HLA-G: variants seen among roughly 807,000 people sequenced by gnomAD.
HLA-G encodes the protein HLA class I histocompatibility antigen, alpha chain G.
A neutral mutation model predicts 39.3 loss-of-function variants in HLA-G; 34 were observed. The ratio of observed to expected loss-of-function variants is 0.86; its 90% confidence interval spans 0.66 to 1.15. The LOEUF is 1.15. Among genes scored for constraint, HLA-G ranks in the 50% most tolerant of loss-of-function variants. The probability of loss-of-function intolerance (pLI) is 0.00; values close to 1 mark genes in which losing one functional copy is unlikely to be tolerated. For synonymous variants in HLA-G, 183 were observed against 185.8 expected, an observed-to-expected ratio of 0.99 and a Z score of 0.12; for missense variants, 419 against 456.4, an observed-to-expected ratio of 0.92 and a Z score of 0.75.
At chr6:29,827,763 G>T, upstream of HLA-G, 1 of 1,396,966 alleles carries the variant, frequency 7.2e-7, no homozygotes, top group Non-Finnish European at 1.0e-6. Flanking sequence ...CAGGTTTTTA[G>T]AGAAGCCAAT....
chr6:29,830,693 G>GC, intron 6 of HLA-G, 75 bp from the exon 7 acceptor site: 1 of 599,272 alleles, frequency 1.7e-6, no homozygotes, highest in African/African-American at 1.8e-5. Context: ...AATGTATTGA[G>GC]CATGTGATGG....
rs1396877600 is a variant in HLA-G at position 29,828,015 on chromosome 6, T to C, written c.74-32T>C. ...CTCGGCAGCCGCGCCGGGAGGAGGG[T>C]CGGGCGGGTCTCAACCCCTCCTCGC... On this transcript the variant is annotated intron_variant, in intron 1 of 6. Coordinates refer to ENST00000360323, the MANE Select transcript of HLA-G (RefSeq NM_001384290.1). The C allele has an allele frequency of 4.4e-6, 7 of 1,600,348 alleles. No homozygotes were observed. The East Asian group carries it at 1.6e-4, about 36-fold the overall frequency.
intron 6 of HLA-G, 72 bp downstream of exon 6, chr6:29,830,482 C>T (rs1761179746): frequency 1.5e-6 from 2 of 1,318,530 alleles, no homozygotes; most frequent in African/African-American, 2.9e-5. Context: ...GGAGCTCACC[C>T]ACCCCACAAT....
chr6:29,828,723 A>T lies in HLA-G; in HGVS notation c.524A>T (p.Asn175Ile), dbSNP rs370197833. Reference protein sequence around the residue: ...QISKRKCEAANVAEQRRAYLE... With the variant: ...QISKRKCEAAIVAEQRRAYLE... ...TCCAAGCGCAAGTGTGAGGCGGCCA[A>T]TGTGGCTGAACAAAGGAGAGCCTAC... Residue 175 changes from asparagine to isoleucine, a missense_variant, in exon 3 of 7, where the codon AAT becomes ATT. By Grantham distance (149) the Asn-to-Ile change is moderately radical (BLOSUM62 -3). Around this residue, in one of 2 missense-constraint regions of HLA-G, gnomAD observed 328 missense variants for 323.0 expected, o/e 1.02. Transcript: ENST00000360323. 3 of 1,613,666 alleles carry T rather than the reference A, an allele frequency of 1.9e-6. No individual in the cohort carries two copies. Among genetic ancestry groups the T allele is most frequent in the Non-Finnish European group, 1.7e-6 (2 of 1,180,018 alleles).
chr6:29,829,530 T>C lies in HLA-G; in HGVS notation c.732T>C (p.Asp244=), dbSNP rs1562471429. 1.1e-5 allele frequency: 18 copies of C among 1,613,774 alleles called. No homozygotes were observed. Among genetic ancestry groups the C allele is most frequent in the Non-Finnish European group, 1.5e-5 (18 of 1,179,858 alleles). The part of the protein sequence containing the change: ...PAEIILTWQR[D]GEDQTQDVEL... Reference sequence around the variant, plus strand: ...AGATCATACTGACCTGGCAGCGGGATGGGGAGGACCAGACCCAGGACGTGG... The same window carrying C: ...AGATCATACTGACCTGGCAGCGGGACGGGGAGGACCAGACCCAGGACGTGG... The change falls in exon 4 of 7, where the codon GAT becomes GAC. Residue 244 remains aspartate (D), a synonymous_variant. Coordinates refer to ENST00000360323, the MANE Select transcript of HLA-G (RefSeq NM_001384290.1).
upstream of HLA-G, chr6:29,827,653 G>A: frequency 1.5e-6 from 1 of 664,600 alleles, no homozygotes; most frequent in Non-Finnish European, 2.7e-6. Flanking sequence ...GGTTGGGGAG[G>A]CCCCGCGTTG....
In HLA-G at chr6:29,828,181, G is replaced by T; in HGVS notation, c.208G>T (p.Glu70Ter). The T allele has an allele frequency of 6.2e-7, 1 of 1,613,436 alleles. No homozygotes were observed. Among genetic ancestry groups the T allele is most frequent in the Non-Finnish European group, 8.5e-7 (1 of 1,179,876 alleles). The change falls in exon 2 of 7, where the codon GAG becomes TAG. Residue 70 changes from glutamate to a stop codon, truncating the protein, a stop_gained. Transcript: ENST00000360323. LOFTEE classifies it high-confidence loss of function. ...FDSDSACPRM[E>*]PRAPWVEQEG... is the part of the protein sequence containing the mutation. ...CAGCGACTCGGCGTGTCCGAGGATGGAGCCGCGGGCGCCGTGGGTGGAGCA... is the reference window on the plus strand; with the variant it reads ...CAGCGACTCGGCGTGTCCGAGGATGTAGCCGCGGGCGCCGTGGGTGGAGCA...
rs1264821112 is a variant in HLA-G, at chr6:29,830,234, T to C, written c.1013-144T>C. ...CAGTTGGTCGAGGACCCACATCTGC[T>C]TTCCTTGTTTTTCCTGATCCCGCCC... On this transcript the variant is annotated intron_variant, in intron 5 of 6. Coordinates refer to ENST00000360323, the MANE Select transcript of HLA-G (RefSeq NM_001384290.1). 3 of 956,088 alleles carry C rather than the reference T, an allele frequency of 3.1e-6. No homozygotes were observed. The African/African-American group carries it at 4.9e-5, about 15-fold the overall frequency. The allele number at this position is 956,088 out of a possible 1,614,324, so 59.2% of individuals were successfully genotyped here.
At chr6:29,826,960 T>A (rs1760727487), upstream of HLA-G, 1 of 492,492 alleles carries the variant, frequency 2.0e-6, no homozygotes, top group African/African-American at 2.0e-5. Context: ...TGGCTCCTGG[T>A]TGCAACATAT....
intron 6 of HLA-G, 163 bp downstream of exon 6, chr6:29,830,573 T>A: frequency 1.3e-6 from 1 of 781,028 alleles, no homozygotes; most frequent in Non-Finnish European, 2.4e-6. Flanking sequence ...TGCCCAGGGC[T>A]CTAATGTGTC....
upstream of HLA-G, chr6:29,827,755 G>C: frequency 1.5e-6 from 2 of 1,327,636 alleles, no homozygotes; most frequent in South Asian, 1.2e-5. Context: ...TTAGGTGACA[G>C]GTTTTTAGAG....
upstream of HLA-G, chr6:29,827,774 C>T (rs1760790121): frequency 6.8e-7 from 1 of 1,463,814 alleles, no homozygotes; most frequent in Admixed American, 1.7e-5. Context: ...AGAAGCCAAT[C>T]AGCGTCGCCG....
In HLA-G at chr6:29,830,456, T is replaced by G. The variant is rs1424683730; in HGVS notation, c.*28+46T>G. 2.1e-5 allele frequency: 33 copies of G among 1,553,324 alleles called. 1 individual carries two copies. The Admixed American group carries it at 4.8e-4, about 23-fold the overall frequency. ...TCCCTGAGATCCTTGGGATCTTGTGTTTGGGAGCCCATGGGGGAGCTCACC... is the reference window on the plus strand; with the variant it reads ...TCCCTGAGATCCTTGGGATCTTGTGGTTGGGAGCCCATGGGGGAGCTCACC... On this transcript the variant is annotated intron_variant, in intron 6 of 6. Transcript: ENST00000360323.
chr6:29,830,397 C>T lies in HLA-G; in HGVS notation c.*15C>T. ...CCACAGATTGAAAAGGAGGGAGCTA[C>T]TCTCAGGCTGCAAGTAAGTATGAAG... is the stretch of plus-strand genomic sequence containing the variant. On this transcript the variant is annotated 3_prime_UTR_variant, in exon 6 of 7. Transcript: ENST00000360323. 5.6e-6 allele frequency: 9 copies of T among 1,613,590 alleles called. No homozygotes were observed. The highest frequency in any genetic ancestry group is 6.8e-6 in the Non-Finnish European group (8 of 1,179,512).
upstream of HLA-G, chr6:29,827,324 C>A (rs138987412): frequency 5.0e-5 from 18 of 357,756 alleles, no homozygotes; most frequent in East Asian, 8.8e-4. Context: ...CCTGTCTTTA[C>A]ACCTACAATC....
upstream of HLA-G, chr6:29,827,781 G>C (rs1760790542): frequency 6.6e-7 from 1 of 1,507,618 alleles, no homozygotes; most frequent in Admixed American, 1.7e-5. Context: ...AATCAGCGTC[G>C]CCGCGGTCCT....
At chr6:29,828,389 G>T (rs1367100298) in intron 2 of HLA-G, 73 bp downstream of exon 2, 2 of 1,557,420 alleles carry the variant, frequency 1.3e-6, no homozygotes, top group Non-Finnish European at 1.7e-6. Flanking sequence ...GGGTACTCCC[G>T]AGTCTCCGGG....
At chr6:29,828,886 A>T in intron 3 of HLA-G, 68 bp downstream of exon 3, 1 of 1,602,804 alleles carries the variant, frequency 6.2e-7, no homozygotes, top group Non-Finnish European at 8.5e-7. Flanking sequence ...GCACAAGGAG[A>T]GGAGGAAAAT....
In HLA-G at chr6:29,829,603, G is replaced by A. The variant is rs200931762; in HGVS notation, c.805G>A (p.Ala269Thr). Residue 269 changes from alanine (A) to threonine (T), a missense_variant, in exon 4 of 7, where the codon GCA (alanine) becomes ACA (threonine). By Grantham distance (58) the Ala-to-Thr change is moderately conservative. Around this residue, in one of 2 missense-constraint regions of HLA-G, gnomAD observed 328 missense variants for 323.0 expected, o/e 1.02. Transcript: ENST00000360323. Reference protein sequence around the residue: ...PAGDGTFQKWAAVVVPSGEEQ... With the variant: ...PAGDGTFQKWTAVVVPSGEEQ... ...AGGGGATGGAACCTTCCAGAAGTGG[G>A]CAGCTGTGGTGGTGCCTTCTGGAGA... 7.4e-6 allele frequency: 12 copies of A among 1,614,126 alleles called. No homozygotes were observed. In the East Asian group the frequency reaches 2.7e-4, roughly 36 times the overall value.
Sources: gnomAD v4.1 joint callset for allele counts on GRCh38, gnomAD v4.1.1 for gene constraint, gnomAD v4.1.1 regional missense constraint, MANE v1.5 for transcripts, NCBI Gene and HGNC (gene_info 2026-07-23, HGNC 2026-07-21) for gene names.